The following CCSER2 variants were observed in gnomAD, a reference collection of about 807,000 sequenced individuals.
The protein encoded by CCSER2 is serine-rich coiled-coil domain-containing protein 2.
In CCSER2, 46 loss-of-function variants were observed where a neutral mutation model predicts 92.3. The observed-to-expected ratio is 0.50, with a 90% CI of 0.39 to 0.64. CCSER2 has a LOEUF of 0.64. CCSER2 is among the 30% of genes least tolerant of loss of function. CCSER2 has a pLI of 0.00. For synonymous variants in CCSER2, 433 were observed against 431.4 expected, an observed-to-expected ratio of 1.00 and a Z score of -0.04; for missense variants, 1,244 against 1,238.9, an observed-to-expected ratio of 1.00 and a Z score of -0.06.
At chr10:84,383,300 C>CT (rs11379172) in intron 3 of CCSER2, among the ~76,000 whole-genome samples, 31,811 of 151,854 alleles carry the variant, frequency 0.21, 3,588 homozygotes, top group Admixed American at 0.34. Context: ...ATGCTTTGAT[C>CT]TTTTTATTTA....
At chr10:84,462,803 A>G (rs1307617803) in intron 6 of CCSER2, among the ~76,000 whole-genome samples, 2 of 152,236 alleles carry the variant, frequency 1.3e-5, no homozygotes, top group Non-Finnish European at 2.9e-5. Context: ...GTGGGTATAC[A>G]GTACAATAAA....
chr10:84,340,189 G>C lies in CCSER2; in HGVS notation c.-40+11381G>C, dbSNP rs1452412463. On this transcript the variant is annotated intron_variant, in intron 1 of 9. Transcript: ENST00000372088. ...CCCAACATAGATGCCTCTTCTTCCAGGAAAGCTGCTAGACATATGTTCATT... is the reference window on the plus strand; with the variant it reads ...CCCAACATAGATGCCTCTTCTTCCACGAAAGCTGCTAGACATATGTTCATT... Among the ~76,000 whole-genome samples, 12 of 152,120 alleles carry C rather than the reference G, an allele frequency of 7.9e-5. 1 individual carries two copies. Among genetic ancestry groups the C allele is most frequent in the Admixed American group, 7.9e-4 (12 of 15,266 alleles).
At position 84,515,669 on chromosome 10, in the gene CCSER2, C is replaced by G. The variant is rs747983623; in HGVS notation, c.*1402C>G. 7.2e-5 allele frequency: 11 copies of G among 152,080 alleles called. No homozygotes were observed. The highest frequency in any genetic ancestry group is 1.0e-4 in the Non-Finnish European group (7 of 68,024). 9.4% of individuals were successfully genotyped at this position (152,080 alleles called of 1,614,324 possible). On this transcript the variant is annotated 3_prime_UTR_variant, in exon 10 of 10. Transcript: ENST00000372088. ...TTGTTGGTCAGGCTGGTCTCGAACT[C>G]CTGACCTCAAGTGATCCACCCACCT...
chr10:84,392,098 CTA>C lies in CCSER2; in HGVS notation c.1614+18285_1614+18286del, dbSNP rs1457415222. The C allele has an allele frequency of 2.5e-5, 19 of 761,868 alleles. No individual in the cohort carries two copies. In the Admixed American group the frequency reaches 3.7e-4, roughly 15 times the overall value. 47.2% of individuals were successfully genotyped at this position (761,868 alleles called of 1,614,324 possible). On this transcript the variant is annotated intron_variant, in intron 3 of 9. Transcript: ENST00000372088. ...ATTAGGGGTCCTTCAGTCTTGGAGACTATGAGGGAGCCTCTGCACCCAGGGAA... is the reference window on the plus strand; with the variant it reads ...ATTAGGGGTCCTTCAGTCTTGGAGACTGAGGGAGCCTCTGCACCCAGGGAA...
rs1044323653 is a variant in CCSER2 at position 84,391,852 on chromosome 10, A to C, written c.1614+18037A>C. On this transcript the variant is annotated intron_variant, in intron 3 of 9. Coordinates refer to ENST00000372088, the MANE Select transcript of CCSER2 (RefSeq NM_001284240.2). ...TACCATGATCATTGTGAATCCCAGTAGTGTAATCCAAGATTTTATATTTTT... is the reference window on the plus strand; with the variant it reads ...TACCATGATCATTGTGAATCCCAGTCGTGTAATCCAAGATTTTATATTTTT... 6 of 1,486,870 alleles carry C rather than the reference A, an allele frequency of 4.0e-6. No individual in the cohort carries two copies. In the African/African-American group the frequency reaches 8.3e-5, roughly 21 times the overall value. 92.1% of individuals were successfully genotyped at this position (1,486,870 alleles called of 1,614,324 possible). A position where few individuals can be genotyped will look rare whatever the true frequency, so the allele number is the denominator to read the frequency against.
intron 3 of CCSER2, among the ~76,000 whole-genome samples, chr10:84,376,706 T>C (rs929059009): frequency 6.6e-6 from 1 of 152,074 alleles, no homozygotes; most frequent in South Asian, 2.1e-4. Flanking sequence ...GTTGGGAAAA[T>C]GTGTAGGAGA....
intron 3 of CCSER2, among the ~76,000 whole-genome samples, chr10:84,399,126 C>G (rs762966034): frequency 1.4e-4 from 21 of 152,042 alleles, no homozygotes; most frequent in Non-Finnish European, 2.5e-4. Flanking sequence ...TTTAGCATAC[C>G]CATCACCTGA....
intron 6 of CCSER2, among the ~76,000 whole-genome samples, chr10:84,457,302 ATATGTT>A (rs1266253666): frequency 2.0e-4 from 13 of 64,656 alleles, no homozygotes; most frequent in East Asian, 6.9e-4. Flanking sequence ...ATTATATATA[ATATGTT>A]ATATATAATA....
chr10:84,367,727 A>G (rs1233631858), intron 1 of CCSER2, among the ~76,000 whole-genome samples: 1 of 141,210 alleles, frequency 7.1e-6, no homozygotes, highest in Non-Finnish European at 1.5e-5. Context: ...TTTTTCTTTC[A>G]AATTCATTGT....
At chr10:84,376,024 AAC>A (rs1846317081) in intron 3 of CCSER2, among the ~76,000 whole-genome samples, 2 of 152,220 alleles carry the variant, frequency 1.3e-5, no homozygotes, top group East Asian at 1.9e-4. Context: ...TGTCACTTCT[AAC>A]ACAGTTTAGT....
chr10:84,361,899 C>A (rs890911497), intron 1 of CCSER2, among the ~76,000 whole-genome samples: 1 of 152,206 alleles, frequency 6.6e-6, no homozygotes, highest in African/African-American at 2.4e-5. Flanking sequence ...CTCGGCCTCC[C>A]AAAGTGCTGG....
Position 84,417,830 on chromosome 10 carries a change from G to T in CCSER2, c.1674G>T (p.Val558=). Residue 558 remains valine, a synonymous_variant, in exon 4 of 10, where the codon GTG becomes GTT. Transcript: ENST00000372088. ...DLEDDDLMLD[V]DLPEDAPLEN... ...AGGATGATGATCTTATGCTTGATGTGGATCTGCCTGAGGATGCACCTCTTG... is the reference window on the plus strand; with the variant it reads ...AGGATGATGATCTTATGCTTGATGTTGATCTGCCTGAGGATGCACCTCTTG... The T allele has an allele frequency of 1.3e-6, 2 of 1,592,196 alleles. No homozygotes were observed. The highest frequency in any genetic ancestry group is 1.7e-6 in the Non-Finnish European group (2 of 1,160,358).
intron 1 of CCSER2, among the ~76,000 whole-genome samples, chr10:84,333,768 A>G (rs113506006): frequency 6.6e-6 from 1 of 152,360 alleles, no homozygotes; most frequent in African/African-American, 2.4e-5. Context: ...CTGATACACA[A>G]CAGAGTGGGA....
intron 3 of CCSER2, among the ~76,000 whole-genome samples, chr10:84,383,894 C>G (rs1349531697): frequency 6.6e-6 from 1 of 151,988 alleles, no homozygotes; most frequent in Non-Finnish European, 1.5e-5. Flanking sequence ...AGGCTGCCAG[C>G]TAGATTAGCC....
At chr10:84,395,026 C>T (rs551982565) in intron 3 of CCSER2, among the ~76,000 whole-genome samples, 1 of 151,992 alleles carries the variant, frequency 6.6e-6, no homozygotes, top group East Asian at 1.9e-4. Context: ...GAATTTGAGA[C>T]CAGACTGAGC....
intron 5 of CCSER2, among the ~76,000 whole-genome samples, chr10:84,428,942 G>A (rs1173303538): frequency 2.1e-5 from 3 of 145,700 alleles, no homozygotes; most frequent in Admixed American, 7.1e-5. Flanking sequence ...GTGTGATTCA[G>A]TTTGCTAGTA....
intron 1 of CCSER2, among the ~76,000 whole-genome samples, chr10:84,353,970 G>A (rs974806081): frequency 3.3e-5 from 5 of 152,162 alleles, no homozygotes; most frequent in African/African-American, 1.2e-4. Context: ...GGCTGAGGCG[G>A]GTGGATTACT....
At chr10:84,334,744 T>G (rs1316801634) in intron 1 of CCSER2, among the ~76,000 whole-genome samples, 8 of 152,222 alleles carry the variant, frequency 5.3e-5, no homozygotes, top group African/African-American at 1.9e-4. Context: ...GTTTTAAATT[T>G]TCTTGGTCAG....
intron 3 of CCSER2, among the ~76,000 whole-genome samples, chr10:84,414,358 A>G (rs571088179): frequency 6.6e-6 from 1 of 152,274 alleles, no homozygotes; most frequent in South Asian, 2.1e-4. Flanking sequence ...GATGTATTCC[A>G]TCGGCATTTG....
Sources: allele counts gnomAD v4.1 joint callset (sites outside exome capture counted in the v4.1 genomes callset), GRCh38; gene constraint gnomAD v4.1.1; transcripts MANE v1.5; gene names NCBI Gene and HGNC (gene_info 2026-07-23, HGNC 2026-07-21).